FSTL4: variants seen among roughly 807,000 people sequenced by gnomAD.
The protein encoded by FSTL4 is follistatin-related protein 4.
In FSTL4, 28 loss-of-function variants were observed where a neutral mutation model predicts 78.2. The ratio of observed to expected loss-of-function variants is 0.36; its 90% CI spans 0.27 to 0.49. The LOEUF (loss-of-function observed/expected upper bound fraction) is 0.49, where lower values mean the gene tolerates loss of function less well. Ranked by LOEUF, FSTL4 falls within the 20% of genes least tolerant of loss-of-function variation. FSTL4 has a pLI of 0.98. For missense variants in FSTL4, 922 were observed against 1,084.9 expected (o/e 0.85, Z 2.11); for synonymous variants, 422 against 440.5 (o/e 0.96, Z 0.53).
At chr5:133,409,435 GACA>G (rs1756435135) in intron 3 of FSTL4, among the ~76,000 whole-genome samples, 1 of 152,212 alleles carries the variant, frequency 6.6e-6, no homozygotes, top group Admixed American at 6.5e-5. Flanking sequence ...TGCTGTCTGT[GACA>G]ATAGTGAAGC....
intron 3 of FSTL4, among the ~76,000 whole-genome samples, chr5:133,472,412 A>G (rs1757843715): frequency 6.6e-6 from 1 of 152,234 alleles, no homozygotes; most frequent in South Asian, 2.1e-4. Context: ...GCGAGCAAAA[A>G]GAACATTCTA....
intron 3 of FSTL4, among the ~76,000 whole-genome samples, chr5:133,490,095 A>T (rs28462323): frequency 6.6e-6 from 1 of 151,386 alleles, no homozygotes; most frequent in East Asian, 1.9e-4. Context: ...TCTGGTTTAC[A>T]TGTATTTTCC....
At chr5:133,773,835 A>T in the FSTL4 span, among the ~76,000 whole-genome samples, 1 of 152,198 alleles carries the variant, frequency 6.6e-6, no homozygotes, top group Non-Finnish European at 1.5e-5. Flanking sequence ...AGGCCTTAAA[A>T]ATAGAATTTG....
rs1424992969 is a variant in FSTL4 at position 133,229,997 on chromosome 5, C to G, written c.1015+3420G>C. 5.9e-5 allele frequency among the ~76,000 whole-genome samples: 9 copies of G among 152,324 alleles called. No homozygotes were observed. In the South Asian group the frequency reaches 1.9e-3, roughly 32 times the overall value. ...GTCAGAATAGGGAACAGACTCCACC[C>G]TCTCACTTCACCCAGGAAGTGCTTC... On this transcript the variant is annotated intron_variant, in intron 8 of 15. Transcript: ENST00000265342.
intron 2 of FSTL4, among the ~76,000 whole-genome samples, chr5:133,578,220 C>G (rs1334602052): frequency 6.6e-6 from 1 of 152,174 alleles, no homozygotes; most frequent in African/African-American, 2.4e-5. Flanking sequence ...CATGATAAAC[C>G]CATCAATAGC....
chr5:133,343,365 G>A lies in FSTL4; in HGVS notation c.410-26713C>T, dbSNP rs575898357. 7.2e-4 allele frequency among the ~76,000 whole-genome samples: 109 copies of A among 152,300 alleles called. 1 individual carries two copies. Among genetic ancestry groups the A allele is most frequent in the African/African-American group, 2.3e-3 (97 of 41,576 alleles). ...CTCAGCACGGGTGTGGAGACAGCCT[G>A]CAGCCAGCATCTGGGCTCCCTGGGA... is the stretch of plus-strand genomic sequence containing the variant. On this transcript the variant is annotated intron_variant, in intron 4 of 15. Transcript: ENST00000265342.
the FSTL4 span, among the ~76,000 whole-genome samples, chr5:133,776,235 G>A: frequency 6.6e-6 from 1 of 152,174 alleles, no homozygotes; most frequent in African/African-American, 2.4e-5. Context: ...TTTGTCAATG[G>A]GAGGTACCAG....
intron 2 of FSTL4, among the ~76,000 whole-genome samples, chr5:133,582,734 G>A (rs1235648005): frequency 6.6e-6 from 1 of 152,142 alleles, no homozygotes; most frequent in Admixed American, 6.5e-5. Context: ...AGCCTTTGGG[G>A]CTGCCCATTG....
intron 15 of FSTL4, among the ~76,000 whole-genome samples, chr5:133,201,610 A>C (rs926776340): frequency 1.3e-5 from 2 of 152,190 alleles, no homozygotes; most frequent in Admixed American, 6.5e-5. Context: ...TAGCAAGCAG[A>C]GGGTGCTCAA....
chr5:133,550,216 TG>T (rs1290536625), intron 3 of FSTL4, among the ~76,000 whole-genome samples: 2 of 152,220 alleles, frequency 1.3e-5, no homozygotes, highest in East Asian at 3.8e-4. Flanking sequence ...TTGTTTTAAG[TG>T]GGAGAGTCAG....
chr5:133,277,490 T>A (rs1752909863), intron 6 of FSTL4, among the ~76,000 whole-genome samples: 1 of 152,190 alleles, frequency 6.6e-6, no homozygotes, highest in African/African-American at 2.4e-5. Context: ...CACTTTTCTA[T>A]GTATGCTGCA....
At chr5:133,406,853 C>T (rs1756376703) in intron 3 of FSTL4, among the ~76,000 whole-genome samples, 1 of 152,202 alleles carries the variant, frequency 6.6e-6, no homozygotes, top group South Asian at 2.1e-4. Flanking sequence ...AATATATGCC[C>T]ATTTTACAGA....
chr5:133,595,859 T>C (rs1471068799), intron 2 of FSTL4, among the ~76,000 whole-genome samples: 1 of 152,210 alleles, frequency 6.6e-6, no homozygotes. Flanking sequence ...GCTCCAAAGC[T>C]GGCTAGGGAA....
the FSTL4 span, among the ~76,000 whole-genome samples, chr5:133,692,083 G>T: frequency 5.9e-5 from 9 of 152,356 alleles, no homozygotes; most frequent in East Asian, 3.9e-4. Flanking sequence ...TGGAAAGAGA[G>T]GTGCAGCAGG....
Position 133,199,384 on chromosome 5 carries a change from T to C in FSTL4, c.2240A>G (p.Asn747Ser). ...LAFQRSFTES[N>S]QYNIYAALHT... Reference sequence around the variant, plus strand: ...CAGAGCCGCGTAGATGTTGTATTGATTGCTTTCAGTGAAGGAGCGCTGGAA... The same window carrying C: ...CAGAGCCGCGTAGATGTTGTATTGACTGCTTTCAGTGAAGGAGCGCTGGAA... The change falls in exon 16 of 16, where the codon AAT becomes AGT. Residue 747 changes from asparagine to serine, a missense_variant. Asn to Ser is a conservative substitution (Grantham distance 46). Coordinates refer to ENST00000265342, the MANE Select transcript of FSTL4 (RefSeq NM_015082.2). The surrounding 1 kb of genome is among the most constrained non-coding windows in gnomAD (Gnocchi z 4.4). The C allele has an allele frequency of 6.2e-7, 1 of 1,614,182 alleles. No individual in the cohort carries two copies. The highest frequency in any genetic ancestry group is 8.5e-7 in the Non-Finnish European group (1 of 1,180,022).
At position 133,224,929 on chromosome 5, in the gene FSTL4, A is replaced by C. The variant is rs181343043; in HGVS notation, c.1312+221T>G. On this transcript the variant is annotated intron_variant, in intron 10 of 15. Transcript: ENST00000265342. ...CTGGGCTCTGTCTGCTGTCCAGGGA[A>C]TCTCCCTGTCTGTTTCCAGAGTTGT... Among the ~76,000 whole-genome samples, 290 of 152,254 alleles carry C rather than the reference A, an allele frequency of 1.9e-3. 1 individual carries two copies. The highest frequency in any genetic ancestry group is 3.5e-3 in the Non-Finnish European group (239 of 68,026).
intron 7 of FSTL4, among the ~76,000 whole-genome samples, chr5:133,239,095 G>C (rs973207859): frequency 2.0e-5 from 3 of 152,198 alleles, no homozygotes; most frequent in African/African-American, 7.2e-5. Flanking sequence ...GCTGCCAGCC[G>C]GCAAGCCCCG....
At chr5:133,522,401 T>A (rs1758999074) in intron 3 of FSTL4, among the ~76,000 whole-genome samples, 1 of 152,190 alleles carries the variant, frequency 6.6e-6, no homozygotes, top group South Asian at 2.1e-4. Context: ...TGTGCCACAA[T>A]CTCTTGGGCA....
intron 6 of FSTL4, among the ~76,000 whole-genome samples, chr5:133,250,466 G>C (rs1752188370): frequency 6.6e-6 from 1 of 152,138 alleles, no homozygotes; most frequent in Non-Finnish European, 1.5e-5. Flanking sequence ...CATGAGCTGA[G>C]GGAAGCAGGC....
Sources: allele counts gnomAD v4.1 joint callset (sites outside exome capture counted in the v4.1 genomes callset), GRCh38; gene constraint gnomAD v4.1.1; non-coding constraint Gnocchi (gnomAD v3.1); transcripts MANE v1.5; gene names NCBI Gene and HGNC (gene_info 2026-07-23, HGNC 2026-07-21).